Variants in CD163L1 observed in about 807,000 individuals in gnomAD.
CD163L1 encodes scavenger receptor cysteine-rich type 1 protein M160.
In CD163L1, 124 loss-of-function variants were observed where a neutral mutation model predicts 165.4. The ratio of observed to expected loss-of-function variants is 0.75; its 90% CI spans 0.65 to 0.87. CD163L1 has a LOEUF of 0.87. CD163L1 is among the 40% of genes least tolerant of loss of function. CD163L1 has a pLI of 0.00. For synonymous variants in CD163L1, 585 were observed against 662.2 expected, an observed-to-expected ratio of 0.88 and a Z score of 1.79; for missense variants, 1,525 against 1,799.9, an observed-to-expected ratio of 0.85 and a Z score of 2.76.
chr12:7,438,902 T>C (rs1239765239), intron 2 of CD163L1: 1 of 1,599,720 alleles, frequency 6.3e-7, no homozygotes, highest in Non-Finnish European at 8.6e-7. Flanking sequence ...TCTGTCTTGA[T>C]TCCTCTGCTT....
chr12:7,443,343 A>G (rs1565823210), intron 1 of CD163L1, among the ~76,000 whole-genome samples: 1 of 152,204 alleles, frequency 6.6e-6, no homozygotes, highest in Non-Finnish European at 1.5e-5. Context: ...CCTCAATCCT[A>G]TTTAGGAGTT....
Position 7,398,705 on chromosome 12 carries a change from C to T in CD163L1, c.1409-121G>A, listed in dbSNP as rs933621082. 1.1e-5 allele frequency: 8 copies of T among 746,620 alleles called. No individual in the cohort carries two copies. The highest frequency in any genetic ancestry group is 1.6e-5 in the Non-Finnish European group (8 of 514,040). The allele number at this position is 746,620 out of a possible 1,614,324, so 46.2% of individuals were successfully genotyped here. ...CCTAACAGGTGATATATTAGGCACACTTTTGAATGAAAAGTTTGGTTTTCT... is the reference window on the plus strand; with the variant it reads ...CCTAACAGGTGATATATTAGGCACATTTTTGAATGAAAAGTTTGGTTTTCT... On this transcript the variant is annotated intron_variant, in intron 6 of 19. Coordinates refer to ENST00000313599, the MANE Select transcript of CD163L1 (RefSeq NM_174941.6). This position sits in a 1 kb window ranked among gnomAD's most constrained non-coding sequence, Gnocchi z 4.5.
chr12:7,366,845 A>G (rs1565773940), intron 18 of CD163L1, among the ~76,000 whole-genome samples: 1 of 152,216 alleles, frequency 6.6e-6, no homozygotes, highest in African/African-American at 2.4e-5. Context: ...ACAAATATAG[A>G]TAAGATTCAA....
rs117147498 is a variant in CD163L1, at chr12:7,361,608, C to T, written c.4280-4122G>A. On this transcript the variant is annotated intron_variant, in intron 18 of 19. Coordinates refer to ENST00000313599, the MANE Select transcript of CD163L1 (RefSeq NM_174941.6). Reference sequence around the variant, plus strand: ...CAAACTAAAAAATAGGAAGATTCCCCGTATTCCCTGGATTTCCCTTCCCCT... The same window carrying T: ...CAAACTAAAAAATAGGAAGATTCCCTGTATTCCCTGGATTTCCCTTCCCCT... Among the ~76,000 whole-genome samples the T allele has an allele frequency of 7.2e-5, 11 of 152,194 alleles. No individual in the cohort carries two copies. The East Asian group carries it at 1.9e-3, about 27-fold the overall frequency.
At chr12:7,358,715 T>C (rs57450331) in intron 18 of CD163L1, among the ~76,000 whole-genome samples, 2,565 of 152,154 alleles carry the variant, frequency 0.017, 76 homozygotes, top group African/African-American at 0.058. Flanking sequence ...CAAGGCACAC[T>C]GAAAGACAAA....
At chr12:7,391,687 T>C (rs1012429702) in intron 8 of CD163L1, among the ~76,000 whole-genome samples, 1 of 152,056 alleles carries the variant, frequency 6.6e-6, no homozygotes, top group Non-Finnish European at 1.5e-5. Flanking sequence ...ACCCATCACC[T>C]TCAGAGACAC....
At chr12:7,418,712 C>A (rs975659628) in intron 4 of CD163L1, among the ~76,000 whole-genome samples, 1 of 151,932 alleles carries the variant, frequency 6.6e-6, no homozygotes, top group South Asian at 2.1e-4. Flanking sequence ...ACCAATATCA[C>A]AGAAATACAA....
At chr12:7,324,630 A>G in the CD163L1 span, 11 of 1,604,632 alleles carry the variant, frequency 6.9e-6, no homozygotes, top group Admixed American at 1.7e-5. Flanking sequence ...AAGAAGCAAC[A>G]TCATATTTTC....
At position 7,439,192 on chromosome 12, in the gene CD163L1, T is replaced by C. The variant is rs944165193; in HGVS notation, c.124+1962A>G. 1.9e-6 allele frequency: 3 copies of C among 1,579,072 alleles called. No homozygotes were observed. In the African/African-American group the frequency reaches 4.1e-5, roughly 22 times the overall value. Reference sequence around the variant, plus strand: ...CCTCCGGAAAGGGGGAATCATTAAGTACACTTGATTCAGATTCCACCTGGG... The same window carrying C: ...CCTCCGGAAAGGGGGAATCATTAAGCACACTTGATTCAGATTCCACCTGGG... On this transcript the variant is annotated intron_variant, in intron 2 of 19. Transcript: ENST00000313599.
downstream of CD163L1, chr12:7,346,629 C>T (rs1490257481): frequency 1.3e-5 from 2 of 152,118 alleles, no homozygotes; most frequent in Admixed American, 6.5e-5. Context: ...TTCAAGGAGA[C>T]CAAGAGCTCT....
chr12:7,334,056 G>A, the CD163L1 span, among the ~76,000 whole-genome samples: 1 of 151,824 alleles, frequency 6.6e-6, no homozygotes, highest in Non-Finnish European at 1.5e-5. Context: ...AATTCTACCA[G>A]AGGTACAAGG....
At position 7,406,686 on chromosome 12, in the gene CD163L1, G is replaced by A. The variant is rs749399166; in HGVS notation, c.933C>T (p.Phe311=). The change falls in exon 5 of 20, where the codon TTC becomes TTT. Residue 311 remains phenylalanine (F), a synonymous_variant. Coordinates refer to ENST00000313599, the MANE Select transcript of CD163L1 (RefSeq NM_174941.6). ...KQLGCGTALH[F]AGLPHLQSGS... Reference sequence around the variant, plus strand: ...CTGACTGCAAATGAGGCAAGCCAGCGAAGTGAAGTGCGGTTCCACATCCCA... The same window carrying A: ...CTGACTGCAAATGAGGCAAGCCAGCAAAGTGAAGTGCGGTTCCACATCCCA... The A allele has an allele frequency of 8.7e-6, 14 of 1,613,930 alleles. No individual in the cohort carries two copies. Among genetic ancestry groups the A allele is most frequent in the African/African-American group, 1.3e-5 (1 of 74,902 alleles).
chr12:7,322,574 G>A, the CD163L1 span: 1 of 1,578,098 alleles, frequency 6.3e-7, no homozygotes, highest in South Asian at 1.2e-5. Context: ...TTTAGTATAT[G>A]TGGGGGCCTT....
chr12:7,376,224 A>G (rs984863260), intron 9 of CD163L1, among the ~76,000 whole-genome samples: 1 of 152,190 alleles, frequency 6.6e-6, no homozygotes, highest in African/African-American at 2.4e-5. Flanking sequence ...TGACCCACCA[A>G]TCCTAGATTT....
chr12:7,376,264 A>G (rs1947271293), intron 9 of CD163L1, among the ~76,000 whole-genome samples: 1 of 152,246 alleles, frequency 6.6e-6, no homozygotes, highest in East Asian at 1.9e-4. Context: ...TGAATTGCAC[A>G]ATTTGTTTAC....
At chr12:7,355,567 T>G (rs1946757740) in intron 19 of CD163L1, among the ~76,000 whole-genome samples, 1 of 152,170 alleles carries the variant, frequency 6.6e-6, no homozygotes, top group Non-Finnish European at 1.5e-5. Flanking sequence ...TTTTTTTGTA[T>G]CATAGAATAA....
At chr12:7,382,436 T>G (rs1292629397) in intron 8 of CD163L1, among the ~76,000 whole-genome samples, 1 of 152,042 alleles carries the variant, frequency 6.6e-6, no homozygotes, top group Non-Finnish European at 1.5e-5. Context: ...AGGGAAGTGA[T>G]AGGGAACAGA....
At chr12:7,384,149 T>C (rs1015178999) in intron 8 of CD163L1, among the ~76,000 whole-genome samples, 11 of 151,096 alleles carry the variant, frequency 7.3e-5, no homozygotes, top group African/African-American at 2.2e-4. Context: ...AATCATGGAA[T>C]GAAATAATTC....
the CD163L1 span, among the ~76,000 whole-genome samples, chr12:7,332,401 G>A: frequency 3.9e-5 from 6 of 152,188 alleles, no homozygotes; most frequent in East Asian, 5.8e-4. Flanking sequence ...TAGCAAGGCA[G>A]GCCAACATTC....
Sources: allele counts gnomAD v4.1 joint callset (sites outside exome capture counted in the v4.1 genomes callset), GRCh38; gene constraint gnomAD v4.1.1; non-coding constraint Gnocchi (gnomAD v3.1); transcripts MANE v1.5; gene names NCBI Gene and HGNC (gene_info 2026-07-23, HGNC 2026-07-21).